The following MBOAT2 variants were observed in gnomAD, a reference collection of about 807,000 sequenced individuals.
The protein encoded by MBOAT2 is membrane-bound glycerophospholipid O-acyltransferase 2.
In MBOAT2, 28 loss-of-function variants were observed where a neutral mutation model predicts 63.4. That is an observed-to-expected ratio of 0.44 (90% confidence interval 0.33 to 0.61). The LOEUF is 0.61. Ranked by LOEUF, MBOAT2 falls within the 20% of genes least tolerant of loss-of-function variation. The pLI, the probability that MBOAT2 is intolerant of heterozygous loss-of-function variation, is 0.03. For missense variants in MBOAT2, 470 were observed against 605.8 expected (o/e 0.78, Z 2.35); for synonymous variants, 211 against 215.6 (o/e 0.98, Z 0.19).
chr2:8,919,568 G>T (rs1428647974), intron 3 of MBOAT2, among the ~76,000 whole-genome samples: 3 of 152,056 alleles, frequency 2.0e-5, no homozygotes, highest in South Asian at 2.1e-4. Flanking sequence ...TTTAAATTGG[G>T]TTGTCTTCTT....
At chr2:8,992,597 A>C (rs573126007) in intron 1 of MBOAT2, among the ~76,000 whole-genome samples, 2 of 152,368 alleles carry the variant, frequency 1.3e-5, no homozygotes, top group South Asian at 4.1e-4. Flanking sequence ...TATACCATAC[A>C]TGTATTGAAC....
chr2:8,875,676 T>C (rs1558561272), intron 7 of MBOAT2, among the ~76,000 whole-genome samples: 1 of 152,206 alleles, frequency 6.6e-6, no homozygotes. Context: ...CATTCCCGAA[T>C]AAACTTCTAA....
chr2:8,902,071 G>A (rs1053871917), intron 4 of MBOAT2, among the ~76,000 whole-genome samples: 3 of 152,172 alleles, frequency 2.0e-5, no homozygotes, highest in African/African-American at 7.2e-5. Context: ...TCAACCCTCA[G>A]CTCAGCCCAG....
At chr2:8,932,005 G>A (rs543767329) in intron 3 of MBOAT2, among the ~76,000 whole-genome samples, 1 of 152,158 alleles carries the variant, frequency 6.6e-6, no homozygotes, top group African/African-American at 2.4e-5. Flanking sequence ...TAAATGCCAC[G>A]CTCAATTGTT....
intron 4 of MBOAT2, among the ~76,000 whole-genome samples, chr2:8,894,334 T>C (rs1350094054): frequency 1.3e-5 from 2 of 152,236 alleles, no homozygotes; most frequent in African/African-American, 4.8e-5. Flanking sequence ...TCCTGGTAAC[T>C]TGAATTACAT....
chr2:9,003,548 T>C lies in MBOAT2; in HGVS notation c.67A>G (p.Ile23Val), dbSNP rs1322874558. The C allele has an allele frequency of 1.6e-6, 2 of 1,220,530 alleles. No homozygotes were observed. Among genetic ancestry groups the C allele is most frequent in the Non-Finnish European group, 2.1e-6 (2 of 975,380 alleles). 75.6% of individuals were successfully genotyped at this position (1,220,530 alleles called of 1,614,324 possible). Residue 23 changes from isoleucine (I) to valine (V), a missense_variant, in exon 1 of 13, where the codon ATC becomes GTC. By Grantham distance (29) the Ile-to-Val change is conservative (BLOSUM62 3). Coordinates refer to ENST00000305997, the MANE Select transcript of MBOAT2 (RefSeq NM_138799.4). The surrounding 1 kb of genome is among the most constrained non-coding windows in gnomAD (Gnocchi z 5.4). ...QPLSNAVQLP[I>V]DQVNFVVCQL... ...AGGGCGCCTCGGGGTACCTGGTCGATGGGCAGCTGCACGGCGTTGCTGAGG... is the reference window on the plus strand; with the variant it reads ...AGGGCGCCTCGGGGTACCTGGTCGACGGGCAGCTGCACGGCGTTGCTGAGG...
intron 9 of MBOAT2, among the ~76,000 whole-genome samples, chr2:8,867,539 ATATTATCTGTCCCTTCAAACTCATATC>A (rs1208771769): frequency 6.6e-6 from 1 of 152,140 alleles, no homozygotes; most frequent in Non-Finnish European, 1.5e-5. Context: ...TGATTTGAAG[ATATTATCTGTCCCTTCAAACTCATATC>A]TATTCTCTGT....
chr2:8,946,487 T>C (rs1189438548), intron 2 of MBOAT2, among the ~76,000 whole-genome samples: 3 of 152,234 alleles, frequency 2.0e-5, no homozygotes, highest in Admixed American at 2.0e-4. Flanking sequence ...CTTGTTTTAC[T>C]GCACTTTGCC....
intron 4 of MBOAT2, among the ~76,000 whole-genome samples, chr2:8,893,842 G>A (rs1664205304): frequency 6.6e-6 from 1 of 152,172 alleles, no homozygotes; most frequent in African/African-American, 2.4e-5. Flanking sequence ...ATGTTCCAAG[G>A]AGAGACACTG....
chr2:8,935,701 T>A (rs1667612939), intron 3 of MBOAT2, among the ~76,000 whole-genome samples: 1 of 152,246 alleles, frequency 6.6e-6, no homozygotes, highest in Non-Finnish European at 1.5e-5. Flanking sequence ...TCATCTAAGT[T>A]ACTGATTTAA....
At position 8,873,385 on chromosome 2, in the gene MBOAT2, T is replaced by G. The variant is rs1662478402; in HGVS notation, c.691-85A>C. The stretch of plus-strand genomic sequence containing the variant: ...TGTATTATCGACAGATTAATCTTCC[T>G]GAATGGATCATCAGTCCTACAACTC... On this transcript the variant is annotated intron_variant, in intron 7 of 12. Transcript: ENST00000305997. The G allele has an allele frequency of 2.0e-5, 27 of 1,342,144 alleles. No individual in the cohort carries two copies. The South Asian group carries it at 3.8e-4, about 19-fold the overall frequency. The allele number at this position is 1,342,144 out of a possible 1,614,324, so 83.1% of individuals were successfully genotyped here.
At chr2:8,935,324 A>G (rs1235366140) in intron 3 of MBOAT2, among the ~76,000 whole-genome samples, 1 of 152,254 alleles carries the variant, frequency 6.6e-6, no homozygotes, top group Non-Finnish European at 1.5e-5. Context: ...AAGAACTCAC[A>G]AATACTCATT....
At chr2:8,881,406 C>T (rs1219972979) in intron 6 of MBOAT2, among the ~76,000 whole-genome samples, 2 of 152,120 alleles carry the variant, frequency 1.3e-5, no homozygotes, top group East Asian at 1.9e-4. Flanking sequence ...AAATGCAGTA[C>T]TACTGGCGAT....
Position 8,978,349 on chromosome 2 carries a change from A to T in MBOAT2, c.76-19707T>A, listed in dbSNP as rs571538453. 5.0e-4 allele frequency among the ~76,000 whole-genome samples: 76 copies of T among 152,260 alleles called. 1 individual carries two copies. Among genetic ancestry groups the T allele is most frequent in the Non-Finnish European group, 9.4e-4 (64 of 68,004 alleles). ...AAAGCTTCACAGACCTTACAATCTA[A>T]AGAAGCATCCCCAATCACTTGTCAT... On this transcript the variant is annotated intron_variant, in intron 1 of 12. Transcript: ENST00000305997.
At chr2:8,968,800 G>T (rs146266984) in intron 1 of MBOAT2, among the ~76,000 whole-genome samples, 4,292 of 152,244 alleles carry the variant, frequency 0.028, 210 homozygotes, top group African/African-American at 0.097. Context: ...TCAAATGAAT[G>T]AAATGAAGCG....
intron 1 of MBOAT2, among the ~76,000 whole-genome samples, chr2:8,977,533 G>C (rs1670909014): frequency 6.6e-6 from 1 of 152,068 alleles, no homozygotes; most frequent in Non-Finnish European, 1.5e-5. Context: ...GGACCTTAAA[G>C]ACCATCCTGT....
At chr2:8,995,826 T>C (rs753479768) in intron 1 of MBOAT2, among the ~76,000 whole-genome samples, 126 of 152,162 alleles carry the variant, frequency 8.3e-4, no homozygotes, top group Middle Eastern at 3.4e-3. Context: ...CTCCTGACCT[T>C]GTGATCCGCC....
chr2:8,867,678 C>A (rs1661999826), intron 9 of MBOAT2, among the ~76,000 whole-genome samples: 1 of 152,186 alleles, frequency 6.6e-6, no homozygotes, highest in South Asian at 2.1e-4. Flanking sequence ...CAATTTATCA[C>A]CAAATTCTGT....
At chr2:8,917,397 TA>T (rs952325181) in intron 3 of MBOAT2, among the ~76,000 whole-genome samples, 7 of 151,606 alleles carry the variant, frequency 4.6e-5, no homozygotes, top group African/African-American at 9.7e-5. Flanking sequence ...TAATGAATTA[TA>T]AAAAAAAATT....
Sources: allele counts gnomAD v4.1 joint callset (sites outside exome capture counted in the v4.1 genomes callset), GRCh38; gene constraint gnomAD v4.1.1; non-coding constraint Gnocchi (gnomAD v3.1); transcripts MANE v1.5; gene names NCBI Gene and HGNC (gene_info 2026-07-23, HGNC 2026-07-21).